The following TTC28 variants were observed in gnomAD, a reference collection of about 807,000 sequenced individuals.
TTC28 encodes the protein tetratricopeptide repeat domain 28.
TTC28 carries 61 observed loss-of-function variants against 198.0 expected under a neutral mutation model. That is an observed-to-expected ratio of 0.31 (90% CI 0.25 to 0.38). The LOEUF is 0.38. Ranked by LOEUF, TTC28 falls within the 10% of genes least tolerant of loss-of-function variation. The pLI, the probability that TTC28 is intolerant of heterozygous loss-of-function variation, is 1.00. For synonymous variants in TTC28, 1,171 were observed against 1,297.8 expected (o/e 0.90, Z 2.10); for missense variants, 2,678 against 3,164.0 (o/e 0.85, Z 3.69).
chr22:28,123,891 G>A (rs1252239256), intron 6 of TTC28, among the ~76,000 whole-genome samples: 2 of 152,094 alleles, frequency 1.3e-5, no homozygotes, highest in East Asian at 1.9e-4. Flanking sequence ...GCTGAGGCAG[G>A]AGAATTGCTT....
intron 5 of TTC28, among the ~76,000 whole-genome samples, chr22:28,211,942 C>A (rs1927005475): frequency 6.6e-6 from 1 of 152,160 alleles, no homozygotes; most frequent in African/African-American, 2.4e-5. Context: ...GACCACAGTG[C>A]AATCAAATTA....
intron 2 of TTC28, among the ~76,000 whole-genome samples, chr22:28,627,129 C>T (rs923765999): frequency 6.6e-6 from 1 of 152,094 alleles, no homozygotes; most frequent in African/African-American, 2.4e-5. Flanking sequence ...GAGACAGAGG[C>T]AGATATATAT....
intron 2 of TTC28, among the ~76,000 whole-genome samples, chr22:28,566,596 AT>A (rs1467968043): frequency 3.3e-5 from 5 of 152,222 alleles, no homozygotes; most frequent in African/African-American, 1.2e-4. Context: ...AAGTTCATTG[AT>A]TTCTCTTTCA....
At chr22:28,454,492 AC>A (rs2047828803) in intron 2 of TTC28, among the ~76,000 whole-genome samples, 1 of 152,250 alleles carries the variant, frequency 6.6e-6, no homozygotes, top group South Asian at 2.1e-4. Flanking sequence ...CCCAAGGAAT[AC>A]AAAAAGAGGT....
intron 5 of TTC28, among the ~76,000 whole-genome samples, chr22:28,216,018 C>T (rs1291985268): frequency 6.6e-6 from 1 of 152,134 alleles, no homozygotes; most frequent in Non-Finnish European, 1.5e-5. Context: ...ATTTGTTAAG[C>T]CCTTACTGTA....
At chr22:28,551,600 C>T (rs1164244176) in intron 2 of TTC28, among the ~76,000 whole-genome samples, 2 of 152,006 alleles carry the variant, frequency 1.3e-5, no homozygotes, top group South Asian at 2.1e-4. Flanking sequence ...TGTGTTATAC[C>T]ACATAAACAG....
At chr22:28,531,265 T>A (rs1039847992) in intron 2 of TTC28, among the ~76,000 whole-genome samples, 1 of 152,178 alleles carries the variant, frequency 6.6e-6, no homozygotes, top group Non-Finnish European at 1.5e-5. Flanking sequence ...AATCCTAGCC[T>A]CTGATAAAAC....
At chr22:28,182,809 A>G (rs1232653148) in intron 5 of TTC28, among the ~76,000 whole-genome samples, 1 of 152,190 alleles carries the variant, frequency 6.6e-6, no homozygotes, top group East Asian at 1.9e-4. Flanking sequence ...ACAACAAACA[A>G]GAGACAGAGA....
intron 2 of TTC28, among the ~76,000 whole-genome samples, chr22:28,468,013 T>C (rs2048047397): frequency 6.6e-6 from 1 of 152,114 alleles, no homozygotes; most frequent in Admixed American, 6.5e-5. Context: ...TCAAGCGATC[T>C]GCCTGCCTCA....
intron 3 of TTC28, among the ~76,000 whole-genome samples, chr22:28,305,355 A>G (rs576461406): frequency 6.6e-6 from 1 of 152,238 alleles, no homozygotes; most frequent in African/African-American, 2.4e-5. Flanking sequence ...TCAGCTTTGT[A>G]GAGTTTATAA....
rs560116908 is a variant in TTC28, at chr22:28,355,285, A to G, written c.382-48642T>C. 7.9e-5 allele frequency among the ~76,000 whole-genome samples: 12 copies of G among 152,282 alleles called. No homozygotes were observed. The East Asian group carries it at 2.1e-3, about 27-fold the overall frequency. On this transcript the variant is annotated intron_variant, in intron 2 of 22. Coordinates refer to ENST00000397906, the MANE Select transcript of TTC28 (RefSeq NM_001145418.2). ...ATAAATTGAAGATATTTTCTTTGCA[A>G]AAGTATTTTTCCCCCTTTGGAAAAG... is the stretch of plus-strand genomic sequence containing the variant.
At chr22:28,038,715 C>T (rs1227224941) in intron 12 of TTC28, among the ~76,000 whole-genome samples, 6 of 152,166 alleles carry the variant, frequency 3.9e-5, no homozygotes, top group African/African-American at 4.8e-5. Context: ...AAGAAACTAC[C>T]GTCAGAGTGA....
At chr22:28,049,577 A>G (rs747101526) in intron 12 of TTC28, among the ~76,000 whole-genome samples, 6 of 151,814 alleles carry the variant, frequency 4.0e-5, no homozygotes, top group Non-Finnish European at 8.8e-5. Context: ...GCACCTGGCT[A>G]CTCCTTCCCT....
intron 2 of TTC28, among the ~76,000 whole-genome samples, chr22:28,576,030 G>A (rs1481045167): frequency 6.6e-6 from 1 of 152,060 alleles, no homozygotes; most frequent in East Asian, 1.9e-4. Context: ...CCAGTACTAT[G>A]ATGAATAACA....
intron 2 of TTC28, among the ~76,000 whole-genome samples, chr22:28,537,292 C>CTAAACTAAACT (rs2049301333): frequency 1.4e-5 from 1 of 69,182 alleles, no homozygotes; most frequent in African/African-American, 9.2e-5. Context: ...GACTCCGTCT[C>CTAAACTAAACT]AAAAATAAAA....
intron 2 of TTC28, among the ~76,000 whole-genome samples, chr22:28,341,423 G>A (rs1310887024): frequency 1.3e-5 from 2 of 152,110 alleles, no homozygotes; most frequent in East Asian, 1.9e-4. Flanking sequence ...AGGTGGATGT[G>A]GGAGAATCAC....
intron 13 of TTC28, 148 bp downstream of exon 13, chr22:28,030,078 G>A (rs1274174664): frequency 3.4e-5 from 40 of 1,161,234 alleles, no homozygotes; most frequent in Non-Finnish European, 4.7e-5. Flanking sequence ...ACGGGCATGG[G>A]GCTGTGAAAG....
intron 2 of TTC28, among the ~76,000 whole-genome samples, chr22:28,478,416 G>A (rs2048195448): frequency 1.3e-5 from 2 of 152,156 alleles, no homozygotes; most frequent in Admixed American, 1.3e-4. Context: ...GGCTGAGGAA[G>A]GAGAATCACT....
chr22:28,152,937 A>G (rs184484183), intron 6 of TTC28, among the ~76,000 whole-genome samples: 1 of 152,154 alleles, frequency 6.6e-6, no homozygotes, highest in South Asian at 2.1e-4. Flanking sequence ...GTAATTTTTT[A>G]AAAATTTTTA....
Sources: allele counts gnomAD v4.1 joint callset (sites outside exome capture counted in the v4.1 genomes callset), GRCh38; gene constraint gnomAD v4.1.1; transcripts MANE v1.5; gene names NCBI Gene and HGNC (gene_info 2026-07-23, HGNC 2026-07-21).